CCDC180: variants seen among roughly 807,000 people sequenced by gnomAD.
CCDC180 encodes the protein coiled-coil domain containing 180, also known as coiled-coil domain-containing protein 180.
CCDC180 carries 154 observed loss-of-function variants against 209.2 expected under a neutral mutation model. The ratio of observed to expected loss-of-function variants is 0.74; its 90% CI spans 0.65 to 0.84. The LOEUF is 0.84. CCDC180 is among the 40% of genes least tolerant of loss of function. CCDC180 has a pLI of 0.00. For missense variants in CCDC180, 1,874 were observed against 1,997.3 expected (o/e 0.94, Z 1.18); for synonymous variants, 778 against 749.1 (o/e 1.04, Z -0.63).
At position 97,371,559 on chromosome 9, in the gene CCDC180, C is replaced by T. The variant is rs770030916; in HGVS notation, c.4489-36C>T. The T allele has an allele frequency of 7.8e-6, 11 of 1,402,044 alleles. No individual in the cohort carries two copies. The African/African-American group carries it at 1.4e-4, about 18-fold the overall frequency. 86.9% of individuals were successfully genotyped at this position (1,402,044 alleles called of 1,614,324 possible). ...CAGCTGGCCTTGGAGGGATGATCCT[C>T]TCCTAGCAGCACTGTGCTCACCATG... is the stretch of plus-strand genomic sequence containing the variant. On this transcript the variant is annotated intron_variant, in intron 33 of 36. Coordinates refer to ENST00000529487, the MANE Select transcript of CCDC180 (RefSeq NM_020893.6).
At chr9:97,362,819 C>T (rs1826803787) in intron 28 of CCDC180, among the ~76,000 whole-genome samples, 5 of 152,206 alleles carry the variant, frequency 3.3e-5, no homozygotes, top group Admixed American at 3.3e-4. Context: ...ATATCAGAAG[C>T]CCCATGGCTG....
intron 22 of CCDC180, among the ~76,000 whole-genome samples, chr9:97,350,924 C>A (rs938588200): frequency 2.6e-5 from 4 of 152,198 alleles, no homozygotes; most frequent in African/African-American, 9.7e-5. Flanking sequence ...TCTTGTCTGG[C>A]TCATTTCATT....
intron 5 of CCDC180, among the ~76,000 whole-genome samples, chr9:97,314,062 GC>G (rs2118548163): frequency 6.6e-6 from 1 of 152,322 alleles, no homozygotes; most frequent in South Asian, 2.1e-4. Flanking sequence ...ATCTACCTGA[GC>G]CTCAGTTTCC....
In CCDC180 at chr9:97,347,301, G is replaced by A. The variant is rs1348538124; in HGVS notation, c.2499-13G>A. The A allele has an allele frequency of 1.2e-5, 18 of 1,534,978 alleles. No individual in the cohort carries two copies. Among genetic ancestry groups the A allele is most frequent in the South Asian group, 3.6e-5 (3 of 84,002 alleles). ...TTGCTGGCAGGGCTGACCCTGGCTG[G>A]TCTCGCCCTCAGACTTCGAGCTGGC... On this transcript the variant is annotated splice_polypyrimidine_tract_variant and intron_variant, in intron 19 of 36. Coordinates refer to ENST00000529487, the MANE Select transcript of CCDC180 (RefSeq NM_020893.6).
rs752491815 is a variant in CCDC180, at chr9:97,325,166, C to T, written c.1519C>T (p.Arg507Trp). 17 of 1,604,872 alleles carry T rather than the reference C, an allele frequency of 1.1e-5. No individual in the cohort carries two copies. Among genetic ancestry groups the T allele is most frequent in the Admixed American group, 6.9e-5 (4 of 58,150 alleles). ...GCTGGAGAAGAGGATGGAGCAGCACCGGCAGAAGCACAGCCTGGAGAGCCA... is the reference window on the plus strand; with the variant it reads ...GCTGGAGAAGAGGATGGAGCAGCACTGGCAGAAGCACAGCCTGGAGAGCCA... ...LELEKRMEQHRQKHSLESQVQ... is the reference protein window; with the variant it reads ...LELEKRMEQHWQKHSLESQVQ... The change falls in exon 14 of 37, where the codon CGG (arginine) becomes TGG (tryptophan). Residue 507 changes from arginine to tryptophan, a missense_variant. Coordinates refer to ENST00000529487, the MANE Select transcript of CCDC180 (RefSeq NM_020893.6).
intron 25 of CCDC180, chr9:97,357,960 C>G (rs1044159130): frequency 1.2e-5 from 5 of 418,728 alleles, no homozygotes; most frequent in African/African-American, 1.0e-4. Context: ...GGAGCAGCGT[C>G]TAGTGTTGGG....
chr9:97,343,616 A>G, intron 19 of CCDC180, 53 bp downstream of exon 19: 1 of 1,321,096 alleles, frequency 7.6e-7, no homozygotes, highest in South Asian at 1.3e-5. Context: ...TTTGTAAACA[A>G]GGTGAAATAT....
intron 18 of CCDC180, among the ~76,000 whole-genome samples, chr9:97,337,738 G>A (rs957532671): frequency 8.5e-5 from 13 of 152,156 alleles, no homozygotes; most frequent in African/African-American, 2.4e-4. Flanking sequence ...AGAAGGAATG[G>A]TACTAGCTCC....
At chr9:97,328,190 TAA>T in intron 16 of CCDC180, 44 bp downstream of exon 16, 5 of 1,598,750 alleles carry the variant, frequency 3.1e-6, no homozygotes, top group Non-Finnish European at 4.3e-6. Context: ...ATGAAGAAGC[TAA>T]GGGAGAGGCT....
At position 97,370,724 on chromosome 9, in the gene CCDC180, G is replaced by C. The variant is rs1395671311; in HGVS notation, c.4434G>C (p.Glu1478Asp). 6.2e-7 allele frequency: 1 copy of C among 1,614,186 alleles called. No individual in the cohort carries two copies. Among genetic ancestry groups the C allele is most frequent in the Non-Finnish European group, 8.5e-7 (1 of 1,180,034 alleles). ...TGGAGTCTCTACACTTAAGTGAAGAGGAAAGGCAGGAAGAGCTGGACAGCA... is the reference window on the plus strand; with the variant it reads ...TGGAGTCTCTACACTTAAGTGAAGACGAAAGGCAGGAAGAGCTGGACAGCA... Reference protein sequence around the residue: ...QEMESLHLSEEERQEELDSMI... With the variant: ...QEMESLHLSEDERQEELDSMI... Residue 1478 changes from glutamate (E) to aspartate (D), a missense_variant, in exon 33 of 37, where the codon GAG becomes GAC. Glu to Asp is a conservative substitution (Grantham distance 45). Transcript: ENST00000529487.
chr9:97,354,284 A>G (rs1455720183), intron 22 of CCDC180, among the ~76,000 whole-genome samples: 1 of 152,118 alleles, frequency 6.6e-6, no homozygotes, highest in Non-Finnish European at 1.5e-5. Context: ...TGGCAAGTTC[A>G]TGTGGAATTC....
Position 97,349,161 on chromosome 9 carries a change from A to G in CCDC180, c.2725A>G (p.Thr909Ala), listed in dbSNP as rs1028691086. ...EQLDSHCAGV[T>A]ETLKKKRLMF... is the part of the protein sequence containing the mutation. ...GTTGGACAGCCACTGTGCTGGGGTGACCGAGACGCTGAAGAAGAAGCGGCT... is the reference window on the plus strand; with the variant it reads ...GTTGGACAGCCACTGTGCTGGGGTGGCCGAGACGCTGAAGAAGAAGCGGCT... The change falls in exon 21 of 37, where the codon ACC becomes GCC. Residue 909 changes from threonine (T) to alanine (A), a missense_variant. Physicochemically the swap from Thr to Ala is moderately conservative, Grantham distance 58. Coordinates refer to ENST00000529487, the MANE Select transcript of CCDC180 (RefSeq NM_020893.6). 15 of 1,536,282 alleles carry G rather than the reference A, an allele frequency of 9.8e-6. No homozygotes were observed. The highest frequency in any genetic ancestry group is 1.2e-5 in the Non-Finnish European group (14 of 1,146,946).
At chr9:97,318,346 G>A (rs535868269) in intron 9 of CCDC180, 117 bp from the exon 10 acceptor site, 123 of 1,247,286 alleles carry the variant, frequency 9.9e-5, no homozygotes, top group Non-Finnish European at 1.3e-4. Context: ...GGCTGGGGGT[G>A]GTGTTAGGGA....
chr9:97,370,729 G>A lies in CCDC180; in HGVS notation c.4439G>A (p.Arg1480Lys), dbSNP rs1827064411. The A allele has an allele frequency of 4.3e-6, 7 of 1,614,128 alleles. No individual in the cohort carries two copies. The highest frequency in any genetic ancestry group is 1.1e-5 in the South Asian group (1 of 91,078). The stretch of plus-strand genomic sequence containing the variant: ...TCTCTACACTTAAGTGAAGAGGAAA[G>A]GCAGGAAGAGCTGGACAGCATGATT... ...MESLHLSEEE[R>K]QEELDSMIRM... Residue 1480 changes from arginine to lysine, a missense_variant, in exon 33 of 37, where the codon AGG becomes AAG. Transcript: ENST00000529487.
rs1474896702 is a variant in CCDC180 at position 97,354,569 on chromosome 9, A to T, written c.3003A>T (p.Arg1001Ser). 2 of 1,613,918 alleles carry T rather than the reference A, an allele frequency of 1.2e-6. No individual in the cohort carries two copies. Among genetic ancestry groups the T allele is most frequent in the Non-Finnish European group, 8.5e-7 (1 of 1,179,956 alleles). The change falls in exon 23 of 37, where the codon AGA becomes AGT. Residue 1001 changes from arginine to serine, a missense_variant and splice_region_variant. Transcript: ENST00000529487. ...TTTATTTGTCTTTGATTATTTTCAG[A>T]TTGTTTTCAGAGGGAGGCAACTTTT... ...YSNIEFIKHC[R>S]LFSEGGNFSP...
rs1178637020 is a variant in CCDC180, at chr9:97,325,153, G to A, written c.1506G>A (p.Arg502=). The part of the protein sequence containing the change: ...LLVQELELEK[R]MEQHRQKHSL... Reference sequence around the variant, plus strand: ...TGCAGGAGCTGGAGCTGGAGAAGAGGATGGAGCAGCACCGGCAGAAGCACA... The same window carrying A: ...TGCAGGAGCTGGAGCTGGAGAAGAGAATGGAGCAGCACCGGCAGAAGCACA... The change falls in exon 14 of 37, where the codon AGG becomes AGA. Residue 502 remains arginine (R), a synonymous_variant. Transcript: ENST00000529487. The A allele has an allele frequency of 1.2e-6, 2 of 1,609,844 alleles. No homozygotes were observed. Among genetic ancestry groups the A allele is most frequent in the Non-Finnish European group, 1.7e-6 (2 of 1,178,178 alleles).
chr9:97,335,000 G>T (rs995712009), intron 18 of CCDC180, among the ~76,000 whole-genome samples: 3 of 152,094 alleles, frequency 2.0e-5, no homozygotes, highest in African/African-American at 7.2e-5. Context: ...GGATACAATA[G>T]CAGGTACATT....
chr9:97,374,385 G>C (rs1031125482), intron 34 of CCDC180, 158 bp from the exon 35 acceptor site: 23 of 604,800 alleles, frequency 3.8e-5, no homozygotes, highest in Admixed American at 8.8e-5. Flanking sequence ...TGTGTGGCTG[G>C]TGCATTCAGC....
At chr9:97,356,102 C>T (rs1206500361) in intron 24 of CCDC180, among the ~76,000 whole-genome samples, 1 of 152,064 alleles carries the variant, frequency 6.6e-6, no homozygotes, top group Non-Finnish European at 1.5e-5. Context: ...AGAATCATGG[C>T]CTGGGCACAA....
Sources: gnomAD v4.1 joint callset for allele counts (sites outside exome capture counted in the v4.1 genomes callset) on GRCh38, gnomAD v4.1.1 for gene constraint, MANE v1.5 for transcripts, NCBI Gene and HGNC (gene_info 2026-07-23, HGNC 2026-07-21) for gene names.